DISC1: variants seen among roughly 807,000 people sequenced by gnomAD.
DISC1 encodes the protein disrupted in schizophrenia 1 protein.
In DISC1, 57 loss-of-function variants were observed where a neutral mutation model predicts 84.5. The observed-to-expected ratio is 0.67, with a 90% CI of 0.55 to 0.84. The LOEUF is 0.84. DISC1 is among the 40% of genes least tolerant of loss of function. The pLI, the probability that DISC1 is intolerant of heterozygous loss-of-function variation, is 0.00. For synonymous variants in DISC1, 411 were observed against 415.2 expected (o/e 0.99, Z 0.12); for missense variants, 1,000 against 1,057.8 (o/e 0.95, Z 0.76).
At chr1:231,896,841 G>A (rs888033732) in intron 9 of DISC1, among the ~76,000 whole-genome samples, 1 of 152,226 alleles carries the variant, frequency 6.6e-6, no homozygotes, top group Non-Finnish European at 1.5e-5. Flanking sequence ...AGGCGCCACT[G>A]CTGGGAAGTG....
chr1:231,656,550 A>T (rs1051138369), intron 1 of DISC1, among the ~76,000 whole-genome samples: 1 of 152,074 alleles, frequency 6.6e-6, no homozygotes, highest in Non-Finnish European at 1.5e-5. Context: ...TTTGCTCAGG[A>T]TTACTTTGGC....
chr1:231,841,959 T>C (rs2083099183), intron 9 of DISC1, among the ~76,000 whole-genome samples: 1 of 152,236 alleles, frequency 6.6e-6, no homozygotes, highest in Admixed American at 6.5e-5. Flanking sequence ...TTTGTTTAAA[T>C]ATCTATTTCC....
chr1:231,889,760 C>T (rs114129935), intron 9 of DISC1, among the ~76,000 whole-genome samples: 3,467 of 152,076 alleles, frequency 0.023, 120 homozygotes, highest in African/African-American at 0.079. Flanking sequence ...TTCATCTTCT[C>T]ATCTACTGCC....
intron 11 of DISC1, among the ~76,000 whole-genome samples, chr1:232,016,904 G>A (rs1486292584): frequency 6.6e-6 from 1 of 152,028 alleles, no homozygotes; most frequent in Non-Finnish European, 1.5e-5. Context: ...ATGAATACTC[G>A]TATCAGATAG....
intron 1 of DISC1, among the ~76,000 whole-genome samples, chr1:231,672,768 C>T (rs1348345148): frequency 6.6e-6 from 1 of 152,184 alleles, no homozygotes; most frequent in Admixed American, 6.5e-5. Flanking sequence ...AGATACTTTA[C>T]CCACCTTGTC....
intron 1 of DISC1, among the ~76,000 whole-genome samples, chr1:231,664,738 A>G (rs2061867059): frequency 6.6e-6 from 1 of 152,180 alleles, no homozygotes; most frequent in Admixed American, 6.5e-5. Flanking sequence ...GTAATTTGTT[A>G]TGGCAGCAAT....
intron 1 of DISC1, among the ~76,000 whole-genome samples, chr1:231,681,694 G>A (rs935468461): frequency 1.3e-5 from 2 of 152,006 alleles, no homozygotes; most frequent in African/African-American, 4.8e-5. Flanking sequence ...AATAGGCATA[G>A]ACATTTATTT....
chr1:231,912,477 C>G (rs1338067873), intron 9 of DISC1, among the ~76,000 whole-genome samples: 1 of 152,214 alleles, frequency 6.6e-6, no homozygotes, highest in Non-Finnish European at 1.5e-5. Context: ...GTATCACCAG[C>G]AGAGGCTGCA....
At chr1:231,849,409 C>T (rs138123722) in intron 9 of DISC1, among the ~76,000 whole-genome samples, 24 of 152,252 alleles carry the variant, frequency 1.6e-4, no homozygotes, top group African/African-American at 4.8e-4. Flanking sequence ...CGTGAGCCAC[C>T]GTGCCTGGCC....
At chr1:231,943,085 A>T (rs1453913999) in intron 9 of DISC1, among the ~76,000 whole-genome samples, 3 of 152,272 alleles carry the variant, frequency 2.0e-5, no homozygotes, top group Non-Finnish European at 4.4e-5. Flanking sequence ...ATACAGCCCA[A>T]GGCCCCTATA....
intron 1 of DISC1, among the ~76,000 whole-genome samples, chr1:231,682,558 A>G (rs1035691084): frequency 1.3e-5 from 2 of 152,212 alleles, no homozygotes; most frequent in East Asian, 1.9e-4. Context: ...CAGAGAGGTT[A>G]GTCACCTGAC....
chr1:231,924,999 A>T (rs1229581849), intron 9 of DISC1, among the ~76,000 whole-genome samples: 1 of 145,454 alleles, frequency 6.9e-6, no homozygotes, highest in African/African-American at 2.6e-5. Flanking sequence ...CCAGTTATTG[A>T]CCTAGCACCA....
At chr1:231,627,013 CG>C (rs2058308317) in intron 1 of DISC1, 79 bp downstream of exon 1, 11 of 1,038,896 alleles carry the variant, frequency 1.1e-5, no homozygotes, top group Non-Finnish European at 1.5e-5. Flanking sequence ...CCCAGGAAGT[CG>C]CGTAGGTCAG....
At chr1:231,692,236 A>G (rs1453508662) in intron 1 of DISC1, among the ~76,000 whole-genome samples, 1 of 152,010 alleles carries the variant, frequency 6.6e-6, no homozygotes, top group Non-Finnish European at 1.5e-5. Flanking sequence ...CTTTACTCTG[A>G]CTTCTTCCAC....
chr1:231,906,361 G>GT (rs368613858), intron 9 of DISC1, among the ~76,000 whole-genome samples: 46 of 152,290 alleles, frequency 3.0e-4, no homozygotes, highest in Middle Eastern at 3.4e-3. Context: ...TGAGAGAGAC[G>GT]TAAGTACAAT....
intron 8 of DISC1, among the ~76,000 whole-genome samples, chr1:231,804,823 A>C (rs1413789651): frequency 2.0e-5 from 3 of 152,212 alleles, no homozygotes; most frequent in Non-Finnish European, 4.4e-5. Context: ...TTGTAGGCTA[A>C]GGATAAGAGC....
intron 10 of DISC1, among the ~76,000 whole-genome samples, chr1:231,969,194 T>G (rs1017731003): frequency 1.4e-5 from 2 of 147,634 alleles, no homozygotes; most frequent in Non-Finnish European, 1.5e-5. Context: ...CGGTTTTTTT[T>G]TTTTTTTTTT....
At chr1:231,962,205 T>G (rs1294357304) in intron 10 of DISC1, among the ~76,000 whole-genome samples, 2 of 152,256 alleles carry the variant, frequency 1.3e-5, no homozygotes, top group Non-Finnish European at 1.5e-5. Context: ...TCATATCTTT[T>G]GCCCACTTTT....
chr1:231,788,019 A>G (rs780237525), intron 6 of DISC1, among the ~76,000 whole-genome samples: 1 of 152,238 alleles, frequency 6.6e-6, no homozygotes, highest in Non-Finnish European at 1.5e-5. Flanking sequence ...GCAGTGGCTC[A>G]TGCCTGTAAT....
Sources: gnomAD v4.1 joint callset for allele counts (sites outside exome capture counted in the v4.1 genomes callset) on GRCh38, gnomAD v4.1.1 for gene constraint, MANE v1.5 for transcripts, NCBI Gene and HGNC (gene_info 2026-07-23, HGNC 2026-07-21) for gene names.